LINGO2: variants seen among roughly 807,000 people sequenced by gnomAD.
LINGO2 encodes the protein leucine-rich repeat and immunoglobulin-like domain-containing nogo receptor-interacting protein 2.
Under a neutral mutation model 30.6 loss-of-function variants are expected in LINGO2, and 14 were observed. That is an observed-to-expected ratio of 0.46 (90% CI 0.30 to 0.72). The LOEUF (loss-of-function observed/expected upper bound fraction) is 0.72, where lower values mean the gene tolerates loss of function less well. Among genes scored for constraint, LINGO2 ranks in the 30% least tolerant of loss-of-function variants. LINGO2 has a pLI of 0.07. For missense variants in LINGO2, 729 were observed against 751.7 expected, an observed-to-expected ratio of 0.97 and a Z score of 0.35; for synonymous variants, 317 against 288.5, an observed-to-expected ratio of 1.10 and a Z score of -1.00.
chr9:28,218,190 G>A (rs1159958522), intron 4 of LINGO2, among the ~76,000 whole-genome samples: 5 of 149,826 alleles, frequency 3.3e-5, no homozygotes, highest in African/African-American at 4.9e-5. Flanking sequence ...AATATCAAAT[G>A]TATCAAATAA....
chr9:28,293,654 G>T (rs1823819570), intron 4 of LINGO2, among the ~76,000 whole-genome samples: 1 of 151,898 alleles, frequency 6.6e-6, no homozygotes, highest in Non-Finnish European at 1.5e-5. Context: ...CTGTCTGCTG[G>T]TTGTAGTACT....
At chr9:29,211,519 T>C in the LINGO2 span, among the ~76,000 whole-genome samples, 1,650 of 152,188 alleles carry the variant, frequency 0.011, 38 homozygotes, top group African/African-American at 0.037. Context: ...TTCGCCCTCC[T>C]TCCTCTTCTG....
At chr9:28,013,401 G>T (rs1362877377) in intron 4 of LINGO2, among the ~76,000 whole-genome samples, 1 of 152,212 alleles carries the variant, frequency 6.6e-6, no homozygotes, top group East Asian at 1.9e-4. Context: ...CTGCTTATCT[G>T]CTGTACTCAG....
intron 1 of LINGO2, among the ~76,000 whole-genome samples, chr9:28,606,977 G>A (rs1009338598): frequency 6.6e-6 from 1 of 151,932 alleles, no homozygotes; most frequent in African/African-American, 2.4e-5. Flanking sequence ...CCCCTTATTT[G>A]TTCCAGTGAA....
chr9:28,740,555 T>C, the LINGO2 span, among the ~76,000 whole-genome samples: 1 of 145,884 alleles, frequency 6.9e-6, no homozygotes, highest in Non-Finnish European at 1.5e-5. Flanking sequence ...CATTTTGCTT[T>C]TTTGTTTTCT....
chr9:28,334,043 G>C (rs1430843163), intron 3 of LINGO2, among the ~76,000 whole-genome samples: 1 of 152,112 alleles, frequency 6.6e-6, no homozygotes, highest in Non-Finnish European at 1.5e-5. Flanking sequence ...TTAGATTACA[G>C]GCTTCCCCTT....
At chr9:28,277,846 A>C (rs554177619) in intron 4 of LINGO2, among the ~76,000 whole-genome samples, 27 of 146,480 alleles carry the variant, frequency 1.8e-4, no homozygotes, top group African/African-American at 5.2e-4. Flanking sequence ...ACAAAAAAAA[A>C]AAACAAAAAA....
intron 5 of LINGO2, among the ~76,000 whole-genome samples, chr9:27,997,805 A>C (rs1181114755): frequency 6.6e-6 from 1 of 152,154 alleles, no homozygotes. Flanking sequence ...TTCAATGCTA[A>C]TTTAATGCAC....
intron 2 of LINGO2, among the ~76,000 whole-genome samples, chr9:28,388,459 A>G (rs1345051955): frequency 6.6e-6 from 1 of 152,216 alleles, no homozygotes; most frequent in African/African-American, 2.4e-5. Flanking sequence ...TTGCTAAGTC[A>G]TAGGGCATGC....
chr9:28,043,491 G>A (rs564046759), intron 4 of LINGO2, among the ~76,000 whole-genome samples: 18 of 152,286 alleles, frequency 1.2e-4, no homozygotes, highest in Non-Finnish European at 2.2e-4. Flanking sequence ...AACAAATTAC[G>A]TAAATGCATG....
chr9:28,012,010 T>C (rs1374605198), intron 5 of LINGO2, among the ~76,000 whole-genome samples: 1 of 152,042 alleles, frequency 6.6e-6, no homozygotes, highest in African/African-American at 2.4e-5. Context: ...TATTTCTTCA[T>C]CTAGGGTGCA....
chr9:28,433,590 A>G (rs1823768686), intron 2 of LINGO2, among the ~76,000 whole-genome samples: 1 of 151,988 alleles, frequency 6.6e-6, no homozygotes, highest in East Asian at 1.9e-4. Context: ...ATATCACTGC[A>G]CTCCAGCGAG....
chr9:28,285,223 C>T (rs1279984115), intron 4 of LINGO2, among the ~76,000 whole-genome samples: 4 of 150,494 alleles, frequency 2.7e-5, no homozygotes, highest in Admixed American at 6.6e-5. Flanking sequence ...TCATTATCAT[C>T]GTTATCATCA....
intron 4 of LINGO2, among the ~76,000 whole-genome samples, chr9:28,190,725 G>C (rs73645609): frequency 6.6e-6 from 1 of 152,012 alleles, no homozygotes; most frequent in African/African-American, 2.4e-5. Context: ...AAACCAGCCC[G>C]GACATTCTTT....
chr9:28,504,409 G>C (rs764678394), intron 1 of LINGO2, among the ~76,000 whole-genome samples: 6 of 151,438 alleles, frequency 4.0e-5, no homozygotes, highest in Non-Finnish European at 7.4e-5. Flanking sequence ...GTGGCATAAT[G>C]CTTCACAAGG....
At chr9:28,836,331 T>G in the LINGO2 span, among the ~76,000 whole-genome samples, 3 of 152,124 alleles carry the variant, frequency 2.0e-5, no homozygotes, top group Non-Finnish European at 4.4e-5. Context: ...TATATATATT[T>G]TAGATGGAGT....
the LINGO2 span, among the ~76,000 whole-genome samples, chr9:28,782,897 A>C: frequency 6.6e-6 from 1 of 152,176 alleles, no homozygotes; most frequent in Non-Finnish European, 1.5e-5. Context: ...CAGCCCCACT[A>C]TACACCTAGG....
intron 4 of LINGO2, among the ~76,000 whole-genome samples, chr9:28,075,161 CT>C (rs1239188484): frequency 1.3e-5 from 2 of 151,724 alleles, no homozygotes; most frequent in Non-Finnish European, 2.9e-5. Flanking sequence ...ATGTATGTGG[CT>C]TGAAATAGTG....
At chr9:28,216,407 C>G (rs1477193550) in intron 4 of LINGO2, among the ~76,000 whole-genome samples, 2 of 151,760 alleles carry the variant, frequency 1.3e-5, no homozygotes, top group Non-Finnish European at 2.9e-5. Context: ...AAGGTGCTAT[C>G]AAATAGTTAA....
Sources: gnomAD v4.1 joint callset for allele counts (sites outside exome capture counted in the v4.1 genomes callset) on GRCh38, gnomAD v4.1.1 for gene constraint, MANE v1.5 for transcripts, NCBI Gene and HGNC (gene_info 2026-07-23, HGNC 2026-07-21) for gene names.